ACKR2: variants seen among roughly 807,000 people sequenced by gnomAD.
ACKR2 encodes C-C chemokine receptor D6.
For synonymous variants in ACKR2, 207 were observed against 192.2 expected, an observed-to-expected ratio of 1.08 and a Z score of -0.64; for missense variants, 457 against 477.3, an observed-to-expected ratio of 0.96 and a Z score of 0.40.
intron 1 of ACKR2, among the ~76,000 whole-genome samples, chr3:42,816,898 A>C (rs1700756243): frequency 6.6e-6 from 1 of 152,034 alleles, no homozygotes; most frequent in Non-Finnish European, 1.5e-5. Context: ...ACAGCAGGAC[A>C]CTTAACAAGT....
intron 2 of ACKR2, among the ~76,000 whole-genome samples, chr3:42,836,955 G>A (rs981504404): frequency 1.3e-5 from 2 of 152,206 alleles, no homozygotes; most frequent in Middle Eastern, 3.2e-3. Context: ...TCTTTCAAAT[G>A]TCTTTTGCAG....
In ACKR2 at chr3:42,853,450, A is replaced by C. The variant is rs185878620; in HGVS notation, c.-37-11016A>C. 3.1e-4 allele frequency among the ~76,000 whole-genome samples: 47 copies of C among 152,208 alleles called. 2 individuals carry two copies. Among genetic ancestry groups the C allele is most frequent in the Non-Finnish European group, 1.8e-4 (12 of 68,006 alleles). On this transcript the variant is annotated intron_variant, in intron 2 of 2. Transcript: ENST00000422265. ...AGTTGTTATTATTGTTATTTTTTTG[A>C]GACAGGGTCTCGCTATGTTGCCCAT...
intron 2 of ACKR2, among the ~76,000 whole-genome samples, chr3:42,829,341 C>A (rs1700905517): frequency 6.6e-6 from 1 of 152,144 alleles, no homozygotes; most frequent in Non-Finnish European, 1.5e-5. Flanking sequence ...CTGTTCCAGG[C>A]AATAGCCCCT....
chr3:42,853,020 A>G (rs1701179508), intron 2 of ACKR2, among the ~76,000 whole-genome samples: 1 of 152,204 alleles, frequency 6.6e-6, no homozygotes, highest in Non-Finnish European at 1.5e-5. Context: ...CGAGGGAGCC[A>G]GGAAGACACA....
At chr3:42,825,578 TG>T (rs199942190) in intron 2 of ACKR2, among the ~76,000 whole-genome samples, 1,961 of 13,658 alleles carry the variant, frequency 0.14, 133 homozygotes, top group Admixed American at 0.45. Context: ...TTAGCTCTGA[TG>T]TGTGTGTGTG....
intron 2 of ACKR2, among the ~76,000 whole-genome samples, chr3:42,831,705 A>G (rs1700933735): frequency 6.6e-6 from 1 of 152,212 alleles, no homozygotes; most frequent in African/African-American, 2.4e-5. Context: ...TTTTGTAAGT[A>G]GTCTCCCTCT....
rs2088432127 is a variant in ACKR2 at position 42,865,968 on chromosome 3, C to T, written c.*311C>T. 6.3e-6 allele frequency: 2 copies of T among 316,644 alleles called. No individual in the cohort carries two copies. Among genetic ancestry groups the T allele is most frequent in the Non-Finnish European group, 1.2e-5 (2 of 167,534 alleles). The allele number at this position is 316,644 out of a possible 1,614,324, so 19.6% of individuals were successfully genotyped here. A position where few individuals can be genotyped will look rare whatever the true frequency, so the allele number is the denominator to read the frequency against. The stretch of plus-strand genomic sequence containing the variant: ...CTTCCCTTCCTCCTTTCCTCCCTTC[C>T]TACTTTCCTTCCTTCCTTCTGACAG... On this transcript the variant is annotated 3_prime_UTR_variant, in exon 3 of 3. Transcript: ENST00000422265.
intron 2 of ACKR2, among the ~76,000 whole-genome samples, chr3:42,855,015 C>T (rs773416145): frequency 1.3e-5 from 2 of 152,030 alleles, no homozygotes; most frequent in Non-Finnish European, 2.9e-5. Flanking sequence ...CACTACCATG[C>T]CCGGCTATTT....
In ACKR2 at chr3:42,866,023, C is replaced by A; in HGVS notation, c.*366C>A. The A allele has an allele frequency of 4.8e-6, 1 of 206,198 alleles. No individual in the cohort carries two copies. Among genetic ancestry groups the A allele is most frequent in the Middle Eastern group, 2.0e-3 (1 of 490 alleles). The allele number at this position is 206,198 out of a possible 1,614,324, so 12.8% of individuals were successfully genotyped here. A position where few individuals can be genotyped will look rare whatever the true frequency, so the allele number is the denominator to read the frequency against. Reference sequence around the variant, plus strand: ...TTGCTCTATTGCTCTGTCACCCAGGCTGGAATGCAGTGGCGAGATCTCCGC... The same window carrying A: ...TTGCTCTATTGCTCTGTCACCCAGGATGGAATGCAGTGGCGAGATCTCCGC... On this transcript the variant is annotated 3_prime_UTR_variant, in exon 3 of 3. Transcript: ENST00000422265.
At chr3:42,846,724 G>T (rs1701101886) in intron 2 of ACKR2, among the ~76,000 whole-genome samples, 1 of 152,174 alleles carries the variant, frequency 6.6e-6, no homozygotes, top group Non-Finnish European at 1.5e-5. Flanking sequence ...TAAGACCACT[G>T]TTAGGTAAGA....
chr3:42,853,806 G>A (rs1000685158), intron 2 of ACKR2, among the ~76,000 whole-genome samples: 3 of 152,194 alleles, frequency 2.0e-5, no homozygotes, highest in African/African-American at 7.2e-5. Context: ...GTATTTTAAA[G>A]GAGGATATGA....
chr3:42,810,876 T>G (rs1215364255), intron 1 of ACKR2, among the ~76,000 whole-genome samples: 2 of 152,220 alleles, frequency 1.3e-5, no homozygotes, highest in East Asian at 3.8e-4. Context: ...TCATTCCTTT[T>G]TTGAGATAGA....
intron 2 of ACKR2, among the ~76,000 whole-genome samples, chr3:42,837,671 G>A (rs1044582400): frequency 2.8e-4 from 42 of 152,216 alleles, no homozygotes; most frequent in South Asian, 1.9e-3. Context: ...ATACTCTCAT[G>A]CTGATCACCT....
chr3:42,845,430 C>G (rs1057446194), intron 2 of ACKR2, among the ~76,000 whole-genome samples: 1 of 152,102 alleles, frequency 6.6e-6, no homozygotes, highest in Non-Finnish European at 1.5e-5. Context: ...GGCATGATCT[C>G]GGCTCACTGT....
rs376833790 is a variant in ACKR2 at position 42,860,189 on chromosome 3, A to AAAAAAAAAC, written c.-37-4277_-37-4276insAAAAAAAAC. ...CAAAAAAAAAAAAAAAAAAAAAAAA[A>AAAAAAAAAC]GCAGGGGATGCAATCCTAGTCTCTG... is the stretch of plus-strand genomic sequence containing the variant. On this transcript the variant is annotated intron_variant, in intron 2 of 2. Coordinates refer to ENST00000422265, the MANE Select transcript of ACKR2 (RefSeq NM_001296.5). Among the ~76,000 whole-genome samples, 535 of 111,620 alleles carry AAAAAAAAAC rather than the reference A, an allele frequency of 4.8e-3. 38 individuals are homozygous for AAAAAAAAAC. The highest frequency in any genetic ancestry group is 9.4e-3 in the Middle Eastern group (2 of 212). 73.2% of individuals were successfully genotyped at this position (111,620 alleles called of 152,430 possible). A position where few individuals can be genotyped will look rare whatever the true frequency, so the allele number is the denominator to read the frequency against.
chr3:42,826,207 G>A (rs1700863367), intron 2 of ACKR2, among the ~76,000 whole-genome samples: 1 of 152,070 alleles, frequency 6.6e-6, no homozygotes, highest in East Asian at 1.9e-4. Context: ...GGATATTGGT[G>A]TGTAGTGTTC....
At chr3:42,830,756 G>T (rs1700923835) in intron 2 of ACKR2, among the ~76,000 whole-genome samples, 1 of 151,720 alleles carries the variant, frequency 6.6e-6, no homozygotes, top group Non-Finnish European at 1.5e-5. Flanking sequence ...AATCTGCTGG[G>T]GTGTTGGTTG....
chr3:42,810,366 T>C (rs954269325), intron 1 of ACKR2, among the ~76,000 whole-genome samples: 43 of 152,192 alleles, frequency 2.8e-4, no homozygotes, highest in Non-Finnish European at 7.3e-5. Context: ...AAGATTTCTC[T>C]TCAAATAATC....
At chr3:42,860,174 A>AAAAAAAAAAAAAAAAAAAAAAAAAC (rs2088368354) in intron 2 of ACKR2, among the ~76,000 whole-genome samples, 1 of 139,884 alleles carries the variant, frequency 7.1e-6, no homozygotes, top group Admixed American at 7.3e-5. Context: ...CAAAAAAAAA[A>AAAAAAAAAAAAAAAAAAAAAAAAAC]AAAAAAAAAA....
Sources: allele counts gnomAD v4.1 joint callset (sites outside exome capture counted in the v4.1 genomes callset), GRCh38; gene constraint gnomAD v4.1.1; transcripts MANE v1.5; gene names NCBI Gene and HGNC (gene_info 2026-07-23, HGNC 2026-07-21).